The following AP2A2 variants were observed in gnomAD, a reference collection of about 807,000 sequenced individuals.
AP2A2 encodes AP-2 complex subunit alpha-2.
A neutral mutation model predicts 104.2 loss-of-function variants in AP2A2; 32 were observed. That is an observed-to-expected ratio of 0.31 (90% CI 0.23 to 0.41). AP2A2 has a LOEUF of 0.41. Ranked by LOEUF, AP2A2 falls within the 10% of genes least tolerant of loss-of-function variation. The pLI, the probability that AP2A2 is intolerant of heterozygous loss-of-function variation, is 1.00. For missense variants in AP2A2, 912 were observed against 1,261.0 expected, an observed-to-expected ratio of 0.72 and a Z score of 4.19; for synonymous variants, 539 against 533.3, an observed-to-expected ratio of 1.01 and a Z score of -0.15.
intron 1 of AP2A2, among the ~76,000 whole-genome samples, chr11:949,453 A>G (rs532679978): frequency 6.6e-6 from 1 of 152,330 alleles, no homozygotes; most frequent in Non-Finnish European, 1.5e-5. Flanking sequence ...ACCAAATGCT[A>G]GCCAGTTGAA....
At chr11:944,501 A>G (rs1458144268) in intron 1 of AP2A2, among the ~76,000 whole-genome samples, 1 of 152,230 alleles carries the variant, frequency 6.6e-6, no homozygotes, top group Non-Finnish European at 1.5e-5. Flanking sequence ...ATGTTAGAAG[A>G]TGATAAACAC....
chr11:984,765 G>T lies in AP2A2; in HGVS notation c.814+12G>T, dbSNP rs772745429. The T allele has an allele frequency of 6.3e-7, 1 of 1,583,516 alleles. No individual in the cohort carries two copies. The highest frequency in any genetic ancestry group is 1.3e-5 in the African/African-American group (1 of 74,420). ...CTACCCACCCCCAGGTAACGCGCAG[G>T]CCGCGGCTCCTGAAGCTGCACCAGT... On this transcript the variant is annotated intron_variant, in intron 7 of 21. Coordinates refer to ENST00000448903, the MANE Select transcript of AP2A2 (RefSeq NM_012305.4).
chr11:930,460 T>G (rs1338120484), intron 1 of AP2A2, among the ~76,000 whole-genome samples: 1 of 152,158 alleles, frequency 6.6e-6, no homozygotes, highest in Non-Finnish European at 1.5e-5. Flanking sequence ...GTTAATAAAC[T>G]GTTTCTTTTT....
At chr11:964,802 G>T (rs578028190) in intron 2 of AP2A2, among the ~76,000 whole-genome samples, 1 of 135,856 alleles carries the variant, frequency 7.4e-6, no homozygotes, top group Admixed American at 7.8e-5. Context: ...AGATGGAAGC[G>T]TGGAAATGGA....
chr11:932,449 C>T (rs561512250), intron 1 of AP2A2, among the ~76,000 whole-genome samples: 277 of 152,322 alleles, frequency 1.8e-3, no homozygotes, highest in African/African-American at 6.3e-3. Context: ...TTCGTGCAGA[C>T]GAGTGAAGAT....
chr11:985,337 T>C lies in AP2A2; in HGVS notation c.815-98T>C, dbSNP rs1404073483. The stretch of plus-strand genomic sequence containing the variant: ...GGTACACAAATGTGAATGAACTATA[T>C]TAAAAATGCTCTCATGATGTATGGG... On this transcript the variant is annotated intron_variant, in intron 7 of 21. Coordinates refer to ENST00000448903, the MANE Select transcript of AP2A2 (RefSeq NM_012305.4). 2.8e-6 allele frequency: 4 copies of C among 1,438,606 alleles called. No individual in the cohort carries two copies. In the African/African-American group the frequency reaches 5.7e-5, roughly 21 times the overall value. The allele number at this position is 1,438,606 out of a possible 1,614,324, so 89.1% of individuals were successfully genotyped here.
intron 16 of AP2A2, 138 bp downstream of exon 16, chr11:1,003,942 C>A: frequency 3.4e-6 from 2 of 585,090 alleles, no homozygotes; most frequent in Non-Finnish European, 5.6e-6. Context: ...AAGAAAGCAG[C>A]CCAATTAAAA....
At chr11:998,339 A>ACCCCCCGCCCCCATTCTGAC (rs1855924269) in intron 14 of AP2A2, among the ~76,000 whole-genome samples, 1 of 59,358 alleles carries the variant, frequency 1.7e-5, no homozygotes, top group African/African-American at 6.8e-5. Flanking sequence ...CCCCATTCTG[A>ACCCCCCGCCCCCATTCTGAC]CCCCCCGCCC....
intron 1 of AP2A2, among the ~76,000 whole-genome samples, chr11:959,000 AGTAGTAAAACT>A (rs1854334103): frequency 1.3e-5 from 2 of 152,260 alleles, no homozygotes; most frequent in Admixed American, 6.5e-5. Context: ...GAAAGCCTAT[AGTAGTAAAACT>A]GTGTGCTTTT....
intron 10 of AP2A2, 53 bp downstream of exon 10, chr11:988,742 G>A (rs75750770): frequency 1.2e-4 from 189 of 1,601,622 alleles, no homozygotes; most frequent in Admixed American, 6.7e-4. Flanking sequence ...GAATCTCAGC[G>A]GCAGGATTTC....
chr11:954,469 TTG>T (rs775193881), intron 1 of AP2A2, among the ~76,000 whole-genome samples: 1 of 152,146 alleles, frequency 6.6e-6, no homozygotes, highest in Non-Finnish European at 1.5e-5. Flanking sequence ...TATGTTGTAT[TTG>T]TGTTTATATT....
At chr11:927,511 A>C (rs200869000) in intron 1 of AP2A2, among the ~76,000 whole-genome samples, 1 of 91,472 alleles carries the variant, frequency 1.1e-5, no homozygotes, top group East Asian at 4.4e-4. Flanking sequence ...GTACTCTGTT[A>C]AAAAAAAAAA....
At chr11:979,767 G>A (rs574806510) in intron 5 of AP2A2, among the ~76,000 whole-genome samples, 4 of 152,254 alleles carry the variant, frequency 2.6e-5, no homozygotes, top group African/African-American at 4.8e-5. Context: ...GGGTTTCACC[G>A]TGTTGGCCAG....
chr11:1,010,394 CAGTG>C (rs1564825984), intron 21 of AP2A2, 150 bp from the exon 22 acceptor site: 1 of 622,996 alleles, frequency 1.6e-6, no homozygotes, highest in African/African-American at 1.8e-5. Flanking sequence ...TTCATGCTGA[CAGTG>C]TGTGTGGTGC....
intron 16 of AP2A2, among the ~76,000 whole-genome samples, chr11:1,005,530 C>T (rs773040781): frequency 1.3e-5 from 2 of 152,188 alleles, no homozygotes; most frequent in Non-Finnish European, 2.9e-5. Flanking sequence ...CATAAAAAAG[C>T]CTTTGAGTGT....
intron 2 of AP2A2, among the ~76,000 whole-genome samples, chr11:962,746 T>A (rs965938777): frequency 4.6e-5 from 7 of 150,678 alleles, no homozygotes; most frequent in South Asian, 4.2e-4. Context: ...AAAAAAAAAA[T>A]TTTGTTTTAT....
At chr11:991,219 G>C (rs1855643801) in intron 10 of AP2A2, among the ~76,000 whole-genome samples, 1 of 152,260 alleles carries the variant, frequency 6.6e-6, no homozygotes, top group Non-Finnish European at 1.5e-5. Context: ...TTCTCTGGCT[G>C]TGCTAGGTGC....
chr11:938,498 A>G lies in AP2A2; in HGVS notation c.67+12410A>G, dbSNP rs11246346. On this transcript the variant is annotated intron_variant, in intron 1 of 21. Coordinates refer to ENST00000448903, the MANE Select transcript of AP2A2 (RefSeq NM_012305.4). ...GTATGTTTTTTTTTTTTTTTGAGAC[A>G]GAGTCTCACTCTGTCCCCCAGGCTG... Among the ~76,000 whole-genome samples, 4 of 148,214 alleles carry G rather than the reference A, an allele frequency of 2.7e-5. No individual in the cohort carries two copies. In the East Asian group the frequency reaches 7.9e-4, roughly 29 times the overall value.
intron 17 of AP2A2, 79 bp downstream of exon 17, chr11:1,006,696 GTTTTC>G: frequency 8.6e-7 from 1 of 1,161,860 alleles, no homozygotes; most frequent in Non-Finnish European, 1.3e-6. Flanking sequence ...AAGTTTTTTG[GTTTTC>G]TTATTTTGTT....
Sources: allele counts gnomAD v4.1 joint callset (sites outside exome capture counted in the v4.1 genomes callset), GRCh38; gene constraint gnomAD v4.1.1; transcripts MANE v1.5; gene names NCBI Gene and HGNC (gene_info 2026-07-23, HGNC 2026-07-21).